TGIF1: variants seen among roughly 807,000 people sequenced by gnomAD.
The protein encoded by TGIF1 is TGFB induced factor homeobox 1.
In TGIF1, 4 loss-of-function variants were observed where a neutral mutation model predicts 19.3. The observed-to-expected ratio is 0.21, with a 90% CI of 0.10 to 0.47. The LOEUF (loss-of-function observed/expected upper bound fraction) is 0.47. TGIF1 is among the 20% of genes least tolerant of loss of function. The pLI, the probability that TGIF1 is intolerant of heterozygous loss-of-function variation, is 0.98. For synonymous variants in TGIF1, 122 were observed against 129.3 expected (o/e 0.94, Z 0.38); for missense variants, 275 against 341.4 (o/e 0.81, Z 1.53).
intron 2 of TGIF1, among the ~76,000 whole-genome samples, chr18:3,423,669 C>T (rs1229436267): frequency 6.6e-6 from 1 of 151,478 alleles, no homozygotes; most frequent in Non-Finnish European, 1.5e-5. Context: ...CACAACAGAG[C>T]GAGACTCCCA....
At chr18:3,446,046 T>A (rs999069809), upstream of TGIF1, among the ~76,000 whole-genome samples, 7 of 152,008 alleles carry the variant, frequency 4.6e-5, no homozygotes, top group East Asian at 5.8e-4. Context: ...CTTGACTTTT[T>A]AAAAAAAATA....
At chr18:3,422,691 T>TGC (rs1568029601) in intron 2 of TGIF1, among the ~76,000 whole-genome samples, 1 of 137,668 alleles carries the variant, frequency 7.3e-6, no homozygotes, top group African/African-American at 2.7e-5. Flanking sequence ...TTTTTTTTTT[T>TGC]TTTTTTTTTT....
chr18:3,450,533 A>G (rs769800950), intron 1 of TGIF1, 28 bp downstream of exon 1: 4 of 1,557,392 alleles, frequency 2.6e-6, no homozygotes, highest in South Asian at 2.4e-5. Context: ...TGCGCGCACC[A>G]GAAGACGCGA....
In TGIF1 at chr18:3,451,043, G is replaced by T. The variant is rs1598895980; in HGVS notation, c.16+538G>T. ...TTCTTTAGGGATGTGGTGTTTTTACGATCGAAGGAATGCGATTCTGGACCC... is the reference window on the plus strand; with the variant it reads ...TTCTTTAGGGATGTGGTGTTTTTACTATCGAAGGAATGCGATTCTGGACCC... On this transcript the variant is annotated intron_variant, in intron 1 of 2. Coordinates refer to ENST00000343820, the MANE Select transcript of TGIF1 (RefSeq NM_003244.4). The surrounding 1 kb of genome is among the most constrained non-coding windows in gnomAD (Gnocchi z 5.4). Among the ~76,000 whole-genome samples, 2 of 139,346 alleles carry T rather than the reference G, an allele frequency of 1.4e-5. No homozygotes were observed. 91.4% of individuals were successfully genotyped at this position (139,346 alleles called of 152,430 possible).
At chr18:3,441,552 T>A (rs238545) in intron 2 of TGIF1, among the ~76,000 whole-genome samples, 11,515 of 152,222 alleles carry the variant, frequency 0.076, 1,431 homozygotes, top group African/African-American at 0.25. Context: ...TCACCAAACA[T>A]GTCTCCCGAC....
In TGIF1 at chr18:3,450,491, TGAA is replaced by T; in HGVS notation, c.3_5del (p.MetLys1_?2). ...TCGCGCTGGGAGGGGAGATCCAGAATGAAAGGCAAGAAAGGTAAGGCGGCCGCG... is the reference window on the plus strand; with the variant it reads ...TCGCGCTGGGAGGGGAGATCCAGAATAGGCAAGAAAGGTAAGGCGGCCGCG... On this transcript the variant is annotated start_lost and inframe_deletion, in exon 1 of 3. Transcript: ENST00000343820. The T allele has an allele frequency of 6.4e-7, 1 of 1,562,756 alleles. No individual in the cohort carries two copies. The highest frequency in any genetic ancestry group is 8.7e-7 in the Non-Finnish European group (1 of 1,153,864).
At chr18:3,417,742 T>A (rs2055878168) in intron 1 of TGIF1, among the ~76,000 whole-genome samples, 1 of 152,232 alleles carries the variant, frequency 6.6e-6, no homozygotes, top group South Asian at 2.1e-4. Context: ...GTTATATTTC[T>A]TCTTTCTGTT....
intron 2 of TGIF1, among the ~76,000 whole-genome samples, chr18:3,429,559 C>T (rs537970628): frequency 7.9e-5 from 12 of 152,050 alleles, no homozygotes; most frequent in African/African-American, 2.4e-4. Context: ...TGGGCTTTAC[C>T]GAATCGAGTC....
At chr18:3,445,528 T>C (rs1224439850), upstream of TGIF1, among the ~76,000 whole-genome samples, 6 of 151,174 alleles carry the variant, frequency 4.0e-5, no homozygotes, top group Non-Finnish European at 7.4e-5. Context: ...ATCGAGACCA[T>C]CCTGGCTAAC....
rs150662954 is a variant in TGIF1, at chr18:3,439,820, A to C, written c.-44-16534A>C. ...CGGATAGATTGAGCCCAGGAGTTCAAGACCAGACTGGGCAACGTAGTGAAA... is the reference window on the plus strand; with the variant it reads ...CGGATAGATTGAGCCCAGGAGTTCACGACCAGACTGGGCAACGTAGTGAAA... On this transcript the variant is annotated intron_variant, in intron 2 of 3. Coordinates refer to the TGIF1 transcript ENST00000401449. Among the ~76,000 whole-genome samples, 704 of 152,030 alleles carry C rather than the reference A, an allele frequency of 4.6e-3. 3 individuals carry two copies. Among genetic ancestry groups the C allele is most frequent in the African/African-American group, 0.016 (670 of 41,500 alleles).
chr18:3,419,686 A>G (rs1237314184), intron 2 of TGIF1, among the ~76,000 whole-genome samples: 1 of 152,220 alleles, frequency 6.6e-6, no homozygotes, highest in Non-Finnish European at 1.5e-5. Context: ...TATATGCTCC[A>G]TATAAAAATT....
chr18:3,456,749 C>T lies in TGIF1; in HGVS notation c.243+169C>T, dbSNP rs1197654078. 1 of 720,694 alleles carries T rather than the reference C, an allele frequency of 1.4e-6. No individual in the cohort carries two copies. Among genetic ancestry groups the T allele is most frequent in the Non-Finnish European group, 2.5e-6 (1 of 403,990 alleles). The allele number at this position is 720,694 out of a possible 1,614,324, so 44.6% of individuals were successfully genotyped here. A position where few individuals can be genotyped will look rare whatever the true frequency, so the allele number is the denominator to read the frequency against. On this transcript the variant is annotated intron_variant, in intron 2 of 2. Transcript: ENST00000343820. The surrounding 1 kb of genome is among the most constrained non-coding windows in gnomAD (Gnocchi z 4.2). ...AGCTAATAACTAGCTATTTAGAGAACACAGAAACACTTGACAGTCATCTAT... is the reference window on the plus strand; with the variant it reads ...AGCTAATAACTAGCTATTTAGAGAATACAGAAACACTTGACAGTCATCTAT...
At position 3,458,021 on chromosome 18, in the gene TGIF1, A is replaced by G. The variant is rs2049419993; in HGVS notation, c.*81A>G. ...AGAGATGAATTGCATTATTTTATAT[A>G]TTTTTTATTAATATTTGCACATGGG... On this transcript the variant is annotated 3_prime_UTR_variant, in exon 3 of 3. Transcript: ENST00000343820. 2 of 1,284,176 alleles carry G rather than the reference A, an allele frequency of 1.6e-6. No homozygotes were observed. The highest frequency in any genetic ancestry group is 1.1e-6 in the Non-Finnish European group (1 of 923,590). 79.5% of individuals were successfully genotyped at this position (1,284,176 alleles called of 1,614,324 possible).
Position 3,451,684 on chromosome 18 carries a change from C to T in TGIF1, c.16+1179C>T, listed in dbSNP as rs1348087952. 8.4e-7 allele frequency: 1 copy of T among 1,189,732 alleles called. No individual in the cohort carries two copies. The highest frequency in any genetic ancestry group is 1.0e-6 in the Non-Finnish European group (1 of 961,092). 73.7% of individuals were successfully genotyped at this position (1,189,732 alleles called of 1,614,324 possible). On this transcript the variant is annotated intron_variant, in intron 1 of 2. Transcript: ENST00000343820. This position sits in a 1 kb window ranked among gnomAD's most constrained non-coding sequence, Gnocchi z 5.4. ...CTTCGGCTGCGTTTCTGTGGGAGGC[C>T]CTGAAACGCGCGGAGCTTCCCTCTG... is the stretch of plus-strand genomic sequence containing the variant.
intron 2 of TGIF1, among the ~76,000 whole-genome samples, chr18:3,432,144 A>AAG (rs199561203): frequency 1.3e-4 from 18 of 138,496 alleles, no homozygotes; most frequent in African/African-American, 4.7e-4. Flanking sequence ...AAAAAAAAAA[A>AAG]CACTAAGAAA....
intron 2 of TGIF1, among the ~76,000 whole-genome samples, chr18:3,430,133 T>C (rs1435647418): frequency 6.6e-6 from 1 of 152,182 alleles, no homozygotes; most frequent in Non-Finnish European, 1.5e-5. Context: ...TCCAGCTGGG[T>C]GACAGAGTAA....
Position 3,450,234 on chromosome 18 carries a change from G to C in TGIF1, c.-256G>C, listed in dbSNP as rs2082861075. ...GAACAAAGGAGCGGAGAGGGGAGGG[G>C]AGAGAGTTGGGCGAGGGAGAGCCCC... On this transcript the variant is annotated 5_prime_UTR_variant, in exon 1 of 3. Coordinates refer to ENST00000343820, the MANE Select transcript of TGIF1 (RefSeq NM_003244.4). 13 of 1,422,080 alleles carry C rather than the reference G, an allele frequency of 9.1e-6. No individual in the cohort carries two copies. Among genetic ancestry groups the C allele is most frequent in the Non-Finnish European group, 1.2e-5 (13 of 1,092,382 alleles). 88.1% of individuals were successfully genotyped at this position (1,422,080 alleles called of 1,614,324 possible).
chr18:3,450,309 A>T lies in TGIF1; in HGVS notation c.-181A>T. On this transcript the variant is annotated 5_prime_UTR_variant, in exon 1 of 3. Transcript: ENST00000343820. ...CGGGAGGAAGCCCAAGTGTCACTTG[A>T]ATTCCACCCAAGGAGCGGGCGCCTG... The T allele has an allele frequency of 6.9e-7, 1 of 1,449,180 alleles. No homozygotes were observed. 89.8% of individuals were successfully genotyped at this position (1,449,180 alleles called of 1,614,324 possible).
At chr18:3,436,460 C>A (rs1357580024) in intron 2 of TGIF1, among the ~76,000 whole-genome samples, 1 of 152,150 alleles carries the variant, frequency 6.6e-6, no homozygotes, top group East Asian at 1.9e-4. Context: ...TGTGAACATT[C>A]AAATAATGTC....
Sources: allele counts gnomAD v4.1 joint callset (sites outside exome capture counted in the v4.1 genomes callset), GRCh38; gene constraint gnomAD v4.1.1; non-coding constraint Gnocchi (gnomAD v3.1); transcripts MANE v1.5; gene names NCBI Gene and HGNC (gene_info 2026-07-23, HGNC 2026-07-21).